Variants in SPATA17 observed in about 807,000 individuals in gnomAD.
SPATA17 encodes spermatogenesis associated 17, also known as spermatogenesis-associated protein 17.
A neutral mutation model predicts 62.2 loss-of-function variants in SPATA17; 53 were observed. The ratio of observed to expected loss-of-function variants is 0.85; its 90% CI spans 0.68 to 1.07. The LOEUF (loss-of-function observed/expected upper bound fraction) is 1.07, where lower values mean the gene tolerates loss of function less well. Among genes scored for constraint, SPATA17 ranks in the 50% least tolerant of loss-of-function variants. The pLI, the probability that SPATA17 is intolerant of heterozygous loss-of-function variation, is 0.00. For missense variants in SPATA17, 466 were observed against 425.5 expected (o/e 1.10, Z -0.84); for synonymous variants, 146 against 146.8 (o/e 0.99, Z 0.04).
At chr1:217,799,724 G>A (rs2102986767) in intron 8 of SPATA17, among the ~76,000 whole-genome samples, 1 of 151,936 alleles carries the variant, frequency 6.6e-6, no homozygotes, top group African/African-American at 2.4e-5. Flanking sequence ...CTTTTTCTAA[G>A]TTTATTAAAT....
intron 4 of SPATA17, among the ~76,000 whole-genome samples, chr1:217,673,010 T>C (rs1359630781): frequency 6.6e-6 from 1 of 152,180 alleles, no homozygotes; most frequent in Non-Finnish European, 1.5e-5. Flanking sequence ...CATTCTTTTC[T>C]AAACAAGGAG....
At chr1:217,779,178 G>A (rs970737311) in intron 7 of SPATA17, among the ~76,000 whole-genome samples, 4 of 150,592 alleles carry the variant, frequency 2.7e-5, no homozygotes, top group African/African-American at 9.7e-5. Context: ...GTGTGTCTGT[G>A]TATGGAGAGA....
At chr1:217,703,509 A>G (rs929873992) in intron 5 of SPATA17, among the ~76,000 whole-genome samples, 1 of 152,188 alleles carries the variant, frequency 6.6e-6, no homozygotes, top group Non-Finnish European at 1.5e-5. Flanking sequence ...TCACTGACGT[A>G]CAAAGTGTGA....
intron 9 of SPATA17, among the ~76,000 whole-genome samples, chr1:217,803,942 T>A (rs1256550187): frequency 6.6e-6 from 1 of 151,748 alleles, no homozygotes; most frequent in Non-Finnish European, 1.5e-5. Context: ...CACTCAAACC[T>A]TGGAGGCAGA....
At chr1:217,711,461 T>G (rs1473681116) in intron 5 of SPATA17, among the ~76,000 whole-genome samples, 1 of 152,230 alleles carries the variant, frequency 6.6e-6, no homozygotes, top group Non-Finnish European at 1.5e-5. Context: ...AACATTGGCT[T>G]TGGATTCAGA....
chr1:217,829,391 G>A (rs1381517641), intron 9 of SPATA17, among the ~76,000 whole-genome samples: 2 of 151,904 alleles, frequency 1.3e-5, no homozygotes, highest in Non-Finnish European at 2.9e-5. Context: ...GCTTTGGGAG[G>A]CCAAGGAGGC....
chr1:217,816,030 A>G (rs998786613), intron 9 of SPATA17, among the ~76,000 whole-genome samples: 1 of 152,096 alleles, frequency 6.6e-6, no homozygotes, highest in Admixed American at 6.6e-5. Flanking sequence ...ATATATACAT[A>G]TCCTTTCATT....
At chr1:217,706,384 C>T (rs1460810943) in intron 5 of SPATA17, among the ~76,000 whole-genome samples, 1 of 152,088 alleles carries the variant, frequency 6.6e-6, no homozygotes, top group African/African-American at 2.4e-5. Context: ...AATCATAATC[C>T]CCACATGTTG....
intron 3 of SPATA17, among the ~76,000 whole-genome samples, chr1:217,668,053 G>A (rs1460366139): frequency 6.6e-6 from 1 of 152,206 alleles, no homozygotes; most frequent in African/African-American, 2.4e-5. Flanking sequence ...TCATGGGGCA[G>A]AAAGCCCCTT....
rs558803630 is a variant in SPATA17 at position 217,673,898 on chromosome 1, A to C, written c.291+4815A>C. The stretch of plus-strand genomic sequence containing the variant: ...AGTCTATTTCTTGTCCCTTTTTCCC[A>C]TTACCTTGATTCATAGTTTTCAATA... On this transcript the variant is annotated intron_variant, in intron 4 of 10. Coordinates refer to ENST00000366933, the MANE Select transcript of SPATA17 (RefSeq NM_138796.4). Among the ~76,000 whole-genome samples, 28 of 152,156 alleles carry C rather than the reference A, an allele frequency of 1.8e-4. No individual in the cohort carries two copies. The South Asian group carries it at 2.5e-3, about 14-fold the overall frequency.
chr1:217,665,409 T>C (rs1010041854), intron 3 of SPATA17: 2 of 152,152 alleles, frequency 1.3e-5, no homozygotes, highest in African/African-American at 4.8e-5. Flanking sequence ...AAGCAATACT[T>C]TACAAAATTA....
At position 217,870,890 on chromosome 1, in the gene SPATA17, G is replaced by C. The variant is rs1481700243; in HGVS notation, c.*3871G>C. 6.6e-6 allele frequency: 1 copy of C among 152,026 alleles called. No homozygotes were observed. The highest frequency in any genetic ancestry group is 2.4e-5 in the African/African-American group (1 of 41,414). 9.4% of individuals were successfully genotyped at this position (152,026 alleles called of 1,614,324 possible). ...GGACCCAACATCTAACAGAATACCT[G>C]GCATAAAGTGAAATCCATCGAATGT... On this transcript the variant is annotated 3_prime_UTR_variant, in exon 11 of 11. Transcript: ENST00000366933.
intron 9 of SPATA17, among the ~76,000 whole-genome samples, chr1:217,843,553 G>A (rs1571839479): frequency 1.3e-5 from 2 of 152,142 alleles, no homozygotes; most frequent in South Asian, 4.2e-4. Flanking sequence ...AATGTCTATG[G>A]CAGAGAGTTC....
At chr1:217,785,095 G>C (rs1673827289) in intron 8 of SPATA17, 1 of 152,100 alleles carries the variant, frequency 6.6e-6, no homozygotes, top group South Asian at 2.1e-4. Flanking sequence ...ATGTTTTTCA[G>C]TTTCTAGAAG....
intron 5 of SPATA17, among the ~76,000 whole-genome samples, chr1:217,696,102 C>G (rs576191513): frequency 6.6e-6 from 1 of 152,316 alleles, no homozygotes; most frequent in East Asian, 1.9e-4. Context: ...CTTGCTGCCG[C>G]CTTGCAGTTT....
At chr1:217,860,189 C>G (rs1191817610) in intron 9 of SPATA17, among the ~76,000 whole-genome samples, 1 of 152,142 alleles carries the variant, frequency 6.6e-6, no homozygotes, top group Admixed American at 6.6e-5. Flanking sequence ...TGTTTAATCG[C>G]TAAACACTTT....
intron 5 of SPATA17, among the ~76,000 whole-genome samples, chr1:217,701,095 C>T (rs1392484622): frequency 2.0e-5 from 3 of 151,454 alleles, no homozygotes; most frequent in African/African-American, 7.3e-5. Flanking sequence ...GTGTCTTAGC[C>T]TGCCGAGTAG....
rs574234241 is a variant in SPATA17, at chr1:217,679,832, A to G, written c.292-3426A>G. 1.5e-4 allele frequency among the ~76,000 whole-genome samples: 23 copies of G among 152,234 alleles called. No homozygotes were observed. In the East Asian group the frequency reaches 2.3e-3, roughly 15 times the overall value. ...GGATTTTTTCTTTTTTAATTACAGGAAACTCTTCTTACTTGAACACAAATT... is the reference window on the plus strand; with the variant it reads ...GGATTTTTTCTTTTTTAATTACAGGGAACTCTTCTTACTTGAACACAAATT... On this transcript the variant is annotated intron_variant, in intron 4 of 10. Coordinates refer to ENST00000366933, the MANE Select transcript of SPATA17 (RefSeq NM_138796.4).
At chr1:217,715,493 C>T (rs894577813) in intron 5 of SPATA17, among the ~76,000 whole-genome samples, 39 of 152,216 alleles carry the variant, frequency 2.6e-4, no homozygotes, top group Non-Finnish European at 4.9e-4. Context: ...TATTAAAATG[C>T]ATTATCAGCC....
Sources: gnomAD v4.1 joint callset for allele counts (sites outside exome capture counted in the v4.1 genomes callset) on GRCh38, gnomAD v4.1.1 for gene constraint, MANE v1.5 for transcripts, NCBI Gene and HGNC (gene_info 2026-07-23, HGNC 2026-07-21) for gene names.